Variants in ANKS1B observed in about 807,000 individuals in gnomAD.
The protein encoded by ANKS1B is ankyrin repeat and sterile alpha motif domain containing 1B.
Under a neutral mutation model 148.3 loss-of-function variants are expected in ANKS1B, and 36 were observed. The ratio of observed to expected loss-of-function variants is 0.24; its 90% CI spans 0.19 to 0.32. The LOEUF (loss-of-function observed/expected upper bound fraction) is 0.32, where lower values mean the gene tolerates loss of function less well. Among genes scored for constraint, ANKS1B ranks in the 10% least tolerant of loss-of-function variants. The probability of loss-of-function intolerance (pLI) is 1.00; values close to 1 mark genes in which losing one functional copy is unlikely to be tolerated. For missense variants in ANKS1B, 1,157 were observed against 1,542.6 expected (o/e 0.75, Z 4.19); for synonymous variants, 542 against 560.8 (o/e 0.97, Z 0.47).
rs898109338 is a variant in ANKS1B, at chr12:99,316,012, A to G, written c.1757-69148T>C. ...AAAGGACATGAACTCATCATTTTTT[A>G]TGGCTGCACAGTATTCCATGGTGTA... On this transcript the variant is annotated intron_variant, in intron 12 of 26. Coordinates refer to ENST00000683438, the MANE Select transcript of ANKS1B (RefSeq NM_001352186.2). Among the ~76,000 whole-genome samples, 3 of 152,114 alleles carry G rather than the reference A, an allele frequency of 2.0e-5. No individual in the cohort carries two copies. In the East Asian group the frequency reaches 5.8e-4, roughly 29 times the overall value.
intron 17 of ANKS1B, among the ~76,000 whole-genome samples, chr12:98,878,886 T>C (rs377211624): frequency 4.6e-5 from 7 of 152,222 alleles, no homozygotes; most frequent in East Asian, 1.9e-4. Context: ...TCAAAACCTA[T>C]GTAGTTTCGG....
intron 12 of ANKS1B, among the ~76,000 whole-genome samples, chr12:99,395,848 T>C (rs2094225023): frequency 6.6e-6 from 1 of 152,188 alleles, no homozygotes; most frequent in South Asian, 2.1e-4. Flanking sequence ...TAGTCTTTGT[T>C]CTGTTAAATG....
At chr12:99,911,787 T>C (rs567889098) in intron 1 of ANKS1B, among the ~76,000 whole-genome samples, 29 of 152,168 alleles carry the variant, frequency 1.9e-4, no homozygotes, top group African/African-American at 6.3e-4. Context: ...AGAAAATCCA[T>C]GGCATCATAA....
intron 16 of ANKS1B, among the ~76,000 whole-genome samples, chr12:99,055,294 A>G (rs1349666916): frequency 6.6e-6 from 1 of 152,188 alleles, no homozygotes; most frequent in Non-Finnish European, 1.5e-5. Flanking sequence ...AAAGAAAGGG[A>G]AGAAAGTGAG....
At chr12:99,381,442 C>G (rs1292982880) in intron 12 of ANKS1B, among the ~76,000 whole-genome samples, 1 of 152,164 alleles carries the variant, frequency 6.6e-6, no homozygotes, top group African/African-American at 2.4e-5. Flanking sequence ...AGAATTCCAT[C>G]TAGGGCCATG....
At chr12:99,845,234 C>T (rs182809913) in intron 1 of ANKS1B, among the ~76,000 whole-genome samples, 224 of 152,184 alleles carry the variant, frequency 1.5e-3, no homozygotes, top group African/African-American at 5.2e-3. Context: ...TTTCTTTTGC[C>T]GGATTGCCCT....
At chr12:99,674,410 A>G (rs572177093) in intron 8 of ANKS1B, among the ~76,000 whole-genome samples, 49 of 151,950 alleles carry the variant, frequency 3.2e-4, no homozygotes, top group Non-Finnish European at 6.1e-4. Context: ...GAAAGATGGC[A>G]ATATGAATTT....
chr12:98,891,642 C>T (rs773200200), intron 17 of ANKS1B, among the ~76,000 whole-genome samples: 1 of 152,184 alleles, frequency 6.6e-6, no homozygotes, highest in African/African-American at 2.4e-5. Flanking sequence ...CAGCACTGCA[C>T]TTTGAAAACA....
chr12:99,676,340 A>G (rs887593050), intron 8 of ANKS1B, among the ~76,000 whole-genome samples: 2 of 152,218 alleles, frequency 1.3e-5, no homozygotes, highest in African/African-American at 4.8e-5. Flanking sequence ...ATATTAAAAC[A>G]CATCTCTGTA....
At chr12:99,333,810 C>T (rs2152290965) in intron 12 of ANKS1B, among the ~76,000 whole-genome samples, 1 of 147,492 alleles carries the variant, frequency 6.8e-6, no homozygotes, top group East Asian at 2.0e-4. Context: ...ACTGATTCCA[C>T]TAGGTGGTAG....
intron 1 of ANKS1B, among the ~76,000 whole-genome samples, chr12:99,871,188 T>C (rs900802822): frequency 6.6e-6 from 1 of 152,102 alleles, no homozygotes; most frequent in Non-Finnish European, 1.5e-5. Context: ...CCTTTCCCCA[T>C]TGCTTATTTT....
intron 11 of ANKS1B, among the ~76,000 whole-genome samples, chr12:99,429,132 T>A (rs376431195): frequency 9.2e-5 from 14 of 152,116 alleles, no homozygotes; most frequent in African/African-American, 2.9e-4. Flanking sequence ...TGTATACACA[T>A]TTCAGAAGAG....
At chr12:99,288,595 T>A (rs929385060) in intron 12 of ANKS1B, among the ~76,000 whole-genome samples, 2 of 151,958 alleles carry the variant, frequency 1.3e-5, no homozygotes, top group Non-Finnish European at 2.9e-5. Context: ...CAATCAAAAA[T>A]AATAATGGGG....
intron 10 of ANKS1B, among the ~76,000 whole-genome samples, chr12:99,500,715 A>G (rs1312066545): frequency 6.6e-6 from 1 of 152,194 alleles, no homozygotes; most frequent in Non-Finnish European, 1.5e-5. Flanking sequence ...GTGAAACACT[A>G]TCTTAGCAAT....
chr12:99,134,645 T>TCTCTCTCACA (rs1380319841), intron 15 of ANKS1B, among the ~76,000 whole-genome samples: 13 of 105,104 alleles, frequency 1.2e-4, no homozygotes, highest in African/African-American at 4.6e-4. Flanking sequence ...TCTCTCTCTC[T>TCTCTCTCACA]CACACACACA....
intron 22 of ANKS1B, among the ~76,000 whole-genome samples, chr12:98,789,321 C>T (rs1380127486): frequency 2.0e-5 from 3 of 151,608 alleles, no homozygotes; most frequent in African/African-American, 7.3e-5. Context: ...CCAGCCTGGG[C>T]GACAGAGAGA....
chr12:99,581,816 G>A (rs1452658063), intron 9 of ANKS1B, among the ~76,000 whole-genome samples: 6 of 151,446 alleles, frequency 4.0e-5, no homozygotes, highest in South Asian at 2.1e-4. Flanking sequence ...GCGTCAACCC[G>A]GGAAGCGGAG....
At chr12:99,403,828 T>C (rs958355577) in intron 11 of ANKS1B, among the ~76,000 whole-genome samples, 1 of 146,054 alleles carries the variant, frequency 6.8e-6, no homozygotes, top group Non-Finnish European at 1.5e-5. Context: ...ACTGGGTATA[T>C]ACCCAAAGGA....
chr12:99,273,573 G>A (rs1398139168), intron 12 of ANKS1B, among the ~76,000 whole-genome samples: 2 of 123,518 alleles, frequency 1.6e-5, no homozygotes, highest in East Asian at 2.1e-4. Context: ...TTTTTTTTGC[G>A]ATTTTTTTTT....
Sources: gnomAD v4.1 joint callset for allele counts (sites outside exome capture counted in the v4.1 genomes callset) on GRCh38, gnomAD v4.1.1 for gene constraint, MANE v1.5 for transcripts, NCBI Gene and HGNC (gene_info 2026-07-23, HGNC 2026-07-21) for gene names.